The following RBFOX1 variants were observed in gnomAD, a reference collection of about 807,000 sequenced individuals.
The protein encoded by RBFOX1 is RNA binding protein fox-1 homolog 1.
Under a neutral mutation model 57.7 loss-of-function variants are expected in RBFOX1, and 8 were observed. The ratio of observed to expected loss-of-function variants is 0.14; its 90% CI spans 0.08 to 0.25. The LOEUF (loss-of-function observed/expected upper bound fraction) is 0.25. Among genes scored for constraint, RBFOX1 ranks in the 10% least tolerant of loss-of-function variants. RBFOX1 has a pLI of 1.00. For synonymous variants in RBFOX1, 326 were observed against 222.4 expected (o/e 1.47, Z -4.15); for missense variants, 611 against 548.5 (o/e 1.11, Z -1.14).
chr16:5,444,548 G>A (rs186802601), intron 1 of RBFOX1, among the ~76,000 whole-genome samples: 142 of 152,310 alleles, frequency 9.3e-4, no homozygotes, highest in Non-Finnish European at 1.6e-3. Context: ...CCACCGATCG[G>A]CTGTAACCCG....
At chr16:7,074,657 T>A (rs567992840) in intron 4 of RBFOX1, among the ~76,000 whole-genome samples, 2 of 152,238 alleles carry the variant, frequency 1.3e-5, no homozygotes, top group South Asian at 4.1e-4. Flanking sequence ...CAAAAAACCA[T>A]TTTAAGGAAT....
intron 4 of RBFOX1, among the ~76,000 whole-genome samples, chr16:7,434,346 C>G (rs908945091): frequency 1.3e-5 from 2 of 152,030 alleles, no homozygotes; most frequent in African/African-American, 4.8e-5. Flanking sequence ...GTGGCGGGCG[C>G]CAGTAGTCCC....
At chr16:5,723,375 A>T (rs1034888445) in intron 3 of RBFOX1, among the ~76,000 whole-genome samples, 1 of 151,028 alleles carries the variant, frequency 6.6e-6, no homozygotes, top group East Asian at 2.0e-4. Context: ...AGCCCACAGG[A>T]AGCTGTGGAT....
At chr16:6,014,029 G>C (rs1460309320), upstream of RBFOX1, among the ~76,000 whole-genome samples, 2 of 151,986 alleles carry the variant, frequency 1.3e-5, no homozygotes, top group Non-Finnish European at 2.9e-5. Flanking sequence ...GAGTTAATGG[G>C]TGCAGCACAC....
At position 5,896,012 on chromosome 16, in the gene RBFOX1, C is replaced by A. The variant is rs561766638; in HGVS notation, c.351+28677C>A. Among the ~76,000 whole-genome samples the A allele has an allele frequency of 9.2e-5, 14 of 152,240 alleles. No individual in the cohort carries two copies. The South Asian group carries it at 2.9e-3, about 32-fold the overall frequency. On this transcript the variant is annotated intron_variant, in intron 4 of 19. Transcript: ENST00000641259. ...TACGACAAACTTGGTGTAAAATGTT[C>A]TGTCTTACGTTGGGTACTTCAGATG...
chr16:7,409,056 C>T (rs748295520), intron 4 of RBFOX1, among the ~76,000 whole-genome samples: 7 of 152,208 alleles, frequency 4.6e-5, no homozygotes, highest in South Asian at 2.1e-4. Flanking sequence ...ACTGCAAAGA[C>T]GAGATTGCCT....
chr16:5,436,098 G>T (rs2067909994), intron 1 of RBFOX1, among the ~76,000 whole-genome samples: 1 of 152,238 alleles, frequency 6.6e-6, no homozygotes, highest in African/African-American at 2.4e-5. Flanking sequence ...AGCAATCCAG[G>T]AGGGGAGGGG....
chr16:7,153,602 T>C (rs1451351783), intron 4 of RBFOX1, among the ~76,000 whole-genome samples: 1 of 146,068 alleles, frequency 6.8e-6, no homozygotes, highest in Non-Finnish European at 1.5e-5. Context: ...GGCATGGTGA[T>C]GGTGGTGGGG....
chr16:5,900,989 C>A (rs1339743593), intron 4 of RBFOX1, among the ~76,000 whole-genome samples: 2 of 152,220 alleles, frequency 1.3e-5, no homozygotes, highest in East Asian at 1.9e-4. Context: ...AGCAGAGAAG[C>A]ACTGTCCTTT....
intron 1 of RBFOX1, among the ~76,000 whole-genome samples, chr16:6,054,280 G>A (rs1468883602): frequency 1.3e-5 from 2 of 151,692 alleles, no homozygotes; most frequent in Non-Finnish European, 2.9e-5. Context: ...TAATAATTAT[G>A]GATAATATTT....
intron 4 of RBFOX1, among the ~76,000 whole-genome samples, chr16:5,976,835 C>T (rs1042716629): frequency 2.6e-5 from 4 of 152,198 alleles, no homozygotes; most frequent in African/African-American, 9.7e-5. Flanking sequence ...TGCCACTGCA[C>T]TTCAGCCTGG....
chr16:6,091,856 A>T (rs549895771), intron 1 of RBFOX1, among the ~76,000 whole-genome samples: 2 of 152,222 alleles, frequency 1.3e-5, no homozygotes, highest in East Asian at 1.9e-4. Flanking sequence ...AACAAAACAA[A>T]TTGTTGAATA....
chr16:7,187,690 CAAAAAAAAAAAAAAAAAAAAAA>C (rs536529201), intron 4 of RBFOX1, among the ~76,000 whole-genome samples: 1 of 72,568 alleles, frequency 1.4e-5, no homozygotes, highest in African/African-American at 6.3e-5. Flanking sequence ...CTCTGTCTCA[CAAAAAAAAAAAAAAAAAAAAAA>C]AAAAAAAAAA....
At chr16:6,483,477 C>T (rs992268577) in intron 2 of RBFOX1, 3 of 1,535,622 alleles carry the variant, frequency 2.0e-6, no homozygotes, top group South Asian at 1.2e-5. Flanking sequence ...GGTGAGGAAA[C>T]AGGAGGCACT....
chr16:7,314,901 C>T (rs953418201), intron 4 of RBFOX1, among the ~76,000 whole-genome samples: 5 of 152,076 alleles, frequency 3.3e-5, no homozygotes, highest in African/African-American at 1.2e-4. Flanking sequence ...TGAATGTTAT[C>T]GAGGACATTT....
chr16:5,380,602 G>A (rs904319128), intron 1 of RBFOX1, among the ~76,000 whole-genome samples: 2 of 152,212 alleles, frequency 1.3e-5, no homozygotes, highest in African/African-American at 4.8e-5. Context: ...TTCCCACTGT[G>A]TGCAGGCTCA....
At chr16:7,649,422 C>A (rs558938335) in intron 11 of RBFOX1, among the ~76,000 whole-genome samples, 93 of 152,256 alleles carry the variant, frequency 6.1e-4, no homozygotes, top group African/African-American at 2.1e-3. Flanking sequence ...TTTCCTTAAC[C>A]ACAAACATCT....
chr16:6,260,834 T>C (rs73531463), intron 1 of RBFOX1, among the ~76,000 whole-genome samples: 22,117 of 151,920 alleles, frequency 0.15, 2,503 homozygotes, highest in African/African-American at 0.31. Flanking sequence ...TTAGGTGAGA[T>C]TGTATGACTT....
intron 4 of RBFOX1, among the ~76,000 whole-genome samples, chr16:7,116,825 G>T (rs1370524696): frequency 6.6e-6 from 1 of 152,134 alleles, no homozygotes; most frequent in Non-Finnish European, 1.5e-5. Context: ...AGCACACACA[G>T]GACACAGACC....
Sources: allele counts gnomAD v4.1 joint callset (sites outside exome capture counted in the v4.1 genomes callset), GRCh38; gene constraint gnomAD v4.1.1; transcripts MANE v1.5; gene names NCBI Gene and HGNC (gene_info 2026-07-23, HGNC 2026-07-21).